TTYH1: variants seen among roughly 807,000 people sequenced by gnomAD.
The protein encoded by TTYH1 is protein tweety homolog 1.
In TTYH1, 33 loss-of-function variants were observed where a neutral mutation model predicts 61.2. The ratio of observed to expected loss-of-function variants is 0.54; its 90% CI spans 0.41 to 0.72. The LOEUF (loss-of-function observed/expected upper bound fraction) is 0.72, where lower values mean the gene tolerates loss of function less well. Among genes scored for constraint, TTYH1 ranks in the 30% least tolerant of loss-of-function variants. The pLI, the probability that TTYH1 is intolerant of heterozygous loss-of-function variation, is 0.00. For missense variants in TTYH1, 538 were observed against 575.8 expected (o/e 0.93, Z 0.67); for synonymous variants, 308 against 266.4 (o/e 1.16, Z -1.52).
rs375196222 is a variant in TTYH1 at position 54,430,839 on chromosome 19, G to C, written c.966G>C (p.Leu322=). 3.7e-6 allele frequency: 6 copies of C among 1,613,772 alleles called. No homozygotes were observed. Among genetic ancestry groups the C allele is most frequent in the Non-Finnish European group, 5.1e-6 (6 of 1,179,988 alleles). Residue 322 remains leucine, a synonymous_variant, in exon 9 of 14, where the codon CTG becomes CTC. Coordinates refer to ENST00000376530, the MANE Select transcript of TTYH1 (RefSeq NM_020659.4). ...QQRLTLSQRA[L]ANIHSQLLGL... ...GGCTGACTCTGTCCCAGCGAGCTCTGGCCAACATCCACTCCCAGCTGCTGG... is the reference window on the plus strand; with the variant it reads ...GGCTGACTCTGTCCCAGCGAGCTCTCGCCAACATCCACTCCCAGCTGCTGG...
chr19:54,419,708 C>CACAGT lies in TTYH1; in HGVS notation c.305+403_305+407dup, dbSNP rs1491159314. ...CTGCGGGGGTAAGATGGAGAGAAAG[C>CACAGT]ACAGTGTCTGACTTGCAGCTACTCT... On this transcript the variant is annotated intron_variant, in intron 2 of 13. Transcript: ENST00000376530. This position sits in a 1 kb window ranked among gnomAD's most constrained non-coding sequence, Gnocchi z 6.1. Among the ~76,000 whole-genome samples the CACAGT allele has an allele frequency of 6.6e-6, 1 of 152,128 alleles. No homozygotes were observed. Among genetic ancestry groups the CACAGT allele is most frequent in the Non-Finnish European group, 1.5e-5 (1 of 68,028 alleles).
In TTYH1 at chr19:54,419,358, T is replaced by C. The variant is rs753780211; in HGVS notation, c.305+52T>C. On this transcript the variant is annotated intron_variant, in intron 2 of 13. Transcript: ENST00000376530. This position sits in a 1 kb window ranked among gnomAD's most constrained non-coding sequence, Gnocchi z 6.1. The stretch of plus-strand genomic sequence containing the variant: ...GGTGGGGACAGGGCTCCCCAAGCTC[T>C]TTGCTGGCCTTCCTGGGGGTGTCCT... The C allele has an allele frequency of 6.5e-7, 1 of 1,542,638 alleles. No individual in the cohort carries two copies. Among genetic ancestry groups the C allele is most frequent in the Non-Finnish European group, 8.7e-7 (1 of 1,143,870 alleles).
In TTYH1 at chr19:54,416,061, G is replaced by A. The variant is rs929369889; in HGVS notation, c.126+383G>A. Reference sequence around the variant, plus strand: ...AAGATGACCCTGCCCCACAGGATCAGAGCAGGTGAATATGTCCCAGATAAG... The same window carrying A: ...AAGATGACCCTGCCCCACAGGATCAAAGCAGGTGAATATGTCCCAGATAAG... On this transcript the variant is annotated intron_variant, in intron 1 of 13. Coordinates refer to ENST00000376530, the MANE Select transcript of TTYH1 (RefSeq NM_020659.4). This position sits in a 1 kb window ranked among gnomAD's most constrained non-coding sequence, Gnocchi z 7.0. 2 of 1,309,404 alleles carry A rather than the reference G, an allele frequency of 1.5e-6. No individual in the cohort carries two copies. The highest frequency in any genetic ancestry group is 2.0e-6 in the Non-Finnish European group (2 of 992,408). The allele number at this position is 1,309,404 out of a possible 1,614,324, so 81.1% of individuals were successfully genotyped here.
At position 54,422,185 on chromosome 19, in the gene TTYH1, C is replaced by A. The variant is rs764100873; in HGVS notation, c.418-5C>A. The A allele has an allele frequency of 6.4e-7, 1 of 1,555,624 alleles. No individual in the cohort carries two copies. The highest frequency in any genetic ancestry group is 1.3e-5 in the African/African-American group (1 of 74,084). On this transcript the variant is annotated splice_region_variant and splice_polypyrimidine_tract_variant and intron_variant, in intron 3 of 13. Coordinates refer to ENST00000376530, the MANE Select transcript of TTYH1 (RefSeq NM_020659.4). ...TCCAGACCTCAGCCCCTGTCCTATC[C>A]CCAGGTGTTGGAGACGGTGGAGAGG...
chr19:54,417,011 C>T (rs1016737301), intron 1 of TTYH1: 1 of 1,181,826 alleles, frequency 8.5e-7, no homozygotes, highest in African/African-American at 1.7e-5. Context: ...GCCCCACAGC[C>T]GAGGAGGGCA....
Position 54,429,417 on chromosome 19 carries a change from AG to A in TTYH1, c.807+43del, listed in dbSNP as rs757838885. 1.6e-5 allele frequency: 26 copies of A among 1,593,618 alleles called. No homozygotes were observed. Among genetic ancestry groups the A allele is most frequent in the Non-Finnish European group, 2.1e-5 (25 of 1,163,174 alleles). On this transcript the variant is annotated intron_variant, in intron 6 of 13. Coordinates refer to ENST00000376530, the MANE Select transcript of TTYH1 (RefSeq NM_020659.4). The surrounding 1 kb of genome is among the most constrained non-coding windows in gnomAD (Gnocchi z 5.1). ...GCCGGGCCATTGGGCTCTGGGACTC[AG>A]GGGGCCTGGAGACTTCAACTTCTGG...
At position 54,419,068 on chromosome 19, in the gene TTYH1, G is replaced by A; in HGVS notation, c.127-60G>A. 2 of 1,525,088 alleles carry A rather than the reference G, an allele frequency of 1.3e-6. No individual in the cohort carries two copies. Among genetic ancestry groups the A allele is most frequent in the Middle Eastern group, 1.8e-4 (1 of 5,658 alleles). The allele number at this position is 1,525,088 out of a possible 1,614,324, so 94.5% of individuals were successfully genotyped here. A position where few individuals can be genotyped will look rare whatever the true frequency, so the allele number is the denominator to read the frequency against. ...CCGACCCCCCAGCCACGCAGGAAGG[G>A]GGATCTGAGTGTGGAACACACGGGT... is the stretch of plus-strand genomic sequence containing the variant. On this transcript the variant is annotated intron_variant, in intron 1 of 13. Coordinates refer to ENST00000376530, the MANE Select transcript of TTYH1 (RefSeq NM_020659.4). This position sits in a 1 kb window ranked among gnomAD's most constrained non-coding sequence, Gnocchi z 6.1.
Position 54,421,430 on chromosome 19 carries a change from G to C in TTYH1, c.417+42G>C, listed in dbSNP as rs1569254536. The C allele has an allele frequency of 7.3e-7, 1 of 1,366,678 alleles. No individual in the cohort carries two copies. Among genetic ancestry groups the C allele is most frequent in the Non-Finnish European group, 1.0e-6 (1 of 954,726 alleles). The allele number at this position is 1,366,678 out of a possible 1,614,324, so 84.7% of individuals were successfully genotyped here. ...CAGTGGGACCCCAGACCCACACCTG[G>C]ACGGGCTCCCCACACCCAAGGACAA... On this transcript the variant is annotated intron_variant, in intron 3 of 13. Coordinates refer to ENST00000376530, the MANE Select transcript of TTYH1 (RefSeq NM_020659.4). This position sits in a 1 kb window ranked among gnomAD's most constrained non-coding sequence, Gnocchi z 4.8.
At chr19:54,426,848 A>C in intron 5 of TTYH1, 80 bp downstream of exon 5, 3 of 1,278,012 alleles carry the variant, frequency 2.3e-6, no homozygotes, top group Non-Finnish European at 3.3e-6. Context: ...CAACTCTCCT[A>C]CACGGAGGAC....
At chr19:54,430,033 C>G in intron 7 of TTYH1, 76 bp downstream of exon 7, 4 of 1,335,284 alleles carry the variant, frequency 3.0e-6, no homozygotes, top group Non-Finnish European at 4.2e-6. Flanking sequence ...CCTCTGTGCC[C>G]GGTCCTGCCC....
chr19:54,426,651 G>T, intron 4 of TTYH1, 22 bp from the exon 5 acceptor site: 1 of 1,608,276 alleles, frequency 6.2e-7, no homozygotes, highest in Non-Finnish European at 8.5e-7. Flanking sequence ...TGTGGTTTCA[G>T]CCCTACCCTC....
At position 54,422,391 on chromosome 19, in the gene TTYH1, T is replaced by A; in HGVS notation, c.619T>A (p.Ser207Thr). The A allele has an allele frequency of 6.4e-7, 1 of 1,568,102 alleles. No homozygotes were observed. Among genetic ancestry groups the A allele is most frequent in the Non-Finnish European group, 8.6e-7 (1 of 1,156,314 alleles). Residue 207 changes from serine to threonine, a missense_variant, in exon 4 of 14, where the codon TCC (serine) becomes ACC (threonine). This residue lies in a region of TTYH1 where 378 missense variants were observed against 401.2 expected (regional missense o/e 0.94). Coordinates refer to ENST00000376530, the MANE Select transcript of TTYH1 (RefSeq NM_020659.4). ...CCCCCTGCAGGTGGCTGAAAATGTGTCCTTTGTGGAGGAGTACAGGTGAGA... is the reference window on the plus strand; with the variant it reads ...CCCCCTGCAGGTGGCTGAAAATGTGACCTTTGTGGAGGAGTACAGGTGAGA... ...LSPLQVAENV[S>T]FVEEYRWLAY...
Position 54,430,873 on chromosome 19 carries a change from C to G in TTYH1, c.1000C>G (p.Arg334Gly), listed in dbSNP as rs1314962282. The G allele has an allele frequency of 1.2e-6, 2 of 1,613,592 alleles. No homozygotes were observed. The highest frequency in any genetic ancestry group is 4.5e-5 in the East Asian group (2 of 44,870). The stretch of plus-strand genomic sequence containing the variant: ...CCACTCCCAGCTGCTGGGCCTGGAG[C>G]GAGAAGCTGTGCCTCAGTTCCCTTC... ...NIHSQLLGLE[R>G]EAVPQFPSAQ... Residue 334 changes from arginine to glycine, a missense_variant, in exon 9 of 14, where the codon CGA becomes GGA. Arg to Gly is a moderately radical substitution (Grantham distance 125). This residue lies in a region of TTYH1 where 378 missense variants were observed against 401.2 expected (regional missense o/e 0.94). Coordinates refer to ENST00000376530, the MANE Select transcript of TTYH1 (RefSeq NM_020659.4).
At chr19:54,431,066 T>A in intron 9 of TTYH1, 33 bp from the exon 10 acceptor site, 1 of 1,565,748 alleles carries the variant, frequency 6.4e-7, no homozygotes, top group African/African-American at 1.4e-5. Flanking sequence ...GCCTGAAGAG[T>A]TCGTGGGAAA....
rs376769191 is a variant in TTYH1, at chr19:54,420,325, C to T, written c.306-952C>T. ...CCTGTATTCAGGACGCTTCCTCCTCCGGCTCTCTGGCGTGGGGGGAGACAG... is the reference window on the plus strand; with the variant it reads ...CCTGTATTCAGGACGCTTCCTCCTCTGGCTCTCTGGCGTGGGGGGAGACAG... On this transcript the variant is annotated intron_variant, in intron 2 of 13. Transcript: ENST00000376530. This position sits in a 1 kb window ranked among gnomAD's most constrained non-coding sequence, Gnocchi z 4.8. 9.8e-5 allele frequency among the ~76,000 whole-genome samples: 15 copies of T among 152,286 alleles called. No individual in the cohort carries two copies. Among genetic ancestry groups the T allele is most frequent in the African/African-American group, 2.6e-4 (11 of 41,560 alleles).
chr19:54,423,443 G>C (rs561705134), intron 4 of TTYH1, among the ~76,000 whole-genome samples: 1 of 152,038 alleles, frequency 6.6e-6, no homozygotes, highest in Non-Finnish European at 1.5e-5. Context: ...TGATCTGCCC[G>C]CCTTGGCCTC....
Position 54,419,385 on chromosome 19 carries a change from C to G in TTYH1, c.305+79C>G, listed in dbSNP as rs191550695. 7.0e-7 allele frequency: 1 copy of G among 1,438,650 alleles called. No homozygotes were observed. Among genetic ancestry groups the G allele is most frequent in the Non-Finnish European group, 9.5e-7 (1 of 1,055,006 alleles). 89.1% of individuals were successfully genotyped at this position (1,438,650 alleles called of 1,614,324 possible). A position where few individuals can be genotyped will look rare whatever the true frequency, so the allele number is the denominator to read the frequency against. ...TGCTGGCCTTCCTGGGGGTGTCCTCCGGGGACATGGAGGAAGCAGACAGGA... is the reference window on the plus strand; with the variant it reads ...TGCTGGCCTTCCTGGGGGTGTCCTCGGGGGACATGGAGGAAGCAGACAGGA... On this transcript the variant is annotated intron_variant, in intron 2 of 13. Transcript: ENST00000376530. The surrounding 1 kb of genome is among the most constrained non-coding windows in gnomAD (Gnocchi z 6.1).
chr19:54,435,936 A>C (rs938359901), intron 12 of TTYH1, 63 bp downstream of exon 12: 69 of 1,599,618 alleles, frequency 4.3e-5, no homozygotes, highest in Non-Finnish European at 5.4e-5. Flanking sequence ...GGTCTGAGGG[A>C]GGAGGAGCTG....
chr19:54,416,778 C>T lies in TTYH1; in HGVS notation c.126+1100C>T, dbSNP rs1301660544. ...CCCCACACACGGGGACCGCCGTCCC[C>T]TCGCCCACAGCCTCGCGGTTACACA... On this transcript the variant is annotated intron_variant, in intron 1 of 13. Transcript: ENST00000376530. This position sits in a 1 kb window ranked among gnomAD's most constrained non-coding sequence, Gnocchi z 7.0. 7.7e-7 allele frequency: 1 copy of T among 1,293,646 alleles called. No homozygotes were observed. Among genetic ancestry groups the T allele is most frequent in the African/African-American group, 1.5e-5 (1 of 65,950 alleles). 80.1% of individuals were successfully genotyped at this position (1,293,646 alleles called of 1,614,324 possible). A position where few individuals can be genotyped will look rare whatever the true frequency, so the allele number is the denominator to read the frequency against.
Sources: allele counts gnomAD v4.1 joint callset (sites outside exome capture counted in the v4.1 genomes callset), GRCh38; gene constraint gnomAD v4.1.1; regional missense constraint gnomAD v4.1.1; non-coding constraint Gnocchi (gnomAD v3.1); transcripts MANE v1.5; gene names NCBI Gene and HGNC (gene_info 2026-07-23, HGNC 2026-07-21).